MYO9B: variants seen among roughly 807,000 people sequenced by gnomAD.
MYO9B encodes unconventional myosin-IXb.
A neutral mutation model predicts 229.5 loss-of-function variants in MYO9B; 71 were observed. That is an observed-to-expected ratio of 0.31 (90% CI 0.26 to 0.38). The LOEUF (loss-of-function observed/expected upper bound fraction) is 0.38. Among genes scored for constraint, MYO9B ranks in the 10% least tolerant of loss-of-function variants. The pLI, the probability that MYO9B is intolerant of heterozygous loss-of-function variation, is 1.00. For missense variants in MYO9B, 2,255 were observed against 2,920.5 expected (o/e 0.77, Z 5.25); for synonymous variants, 1,185 against 1,235.8 (o/e 0.96, Z 0.86).
At chr19:17,109,403 T>C (rs1393771381) in intron 2 of MYO9B, among the ~76,000 whole-genome samples, 1 of 152,118 alleles carries the variant, frequency 6.6e-6, no homozygotes, top group African/African-American at 2.4e-5. Flanking sequence ...TCAGGCCCAC[T>C]GGGTATCAGG....
At chr19:17,161,553 C>A (rs139155221) in intron 8 of MYO9B, among the ~76,000 whole-genome samples, 2 of 152,062 alleles carry the variant, frequency 1.3e-5, no homozygotes, top group African/African-American at 4.8e-5. Context: ...CGGTGGCTCA[C>A]GCCTGTAATC....
intron 33 of MYO9B, 34 bp from the exon 34 acceptor site, chr19:17,206,645 G>T (rs1381618006): frequency 1.3e-6 from 2 of 1,532,498 alleles, no homozygotes; most frequent in African/African-American, 2.8e-5. Context: ...GGGGACCCTT[G>T]GGAGCTGACG....
chr19:17,192,017 T>C (rs982089481), intron 20 of MYO9B, among the ~76,000 whole-genome samples: 3 of 151,956 alleles, frequency 2.0e-5, no homozygotes, highest in South Asian at 4.1e-4. Context: ...AGACAGGTGG[T>C]GTGATCTCAG....
At chr19:17,184,800 G>A (rs2072899546) in intron 16 of MYO9B, 65 bp from the exon 17 acceptor site, 2 of 1,605,424 alleles carry the variant, frequency 1.2e-6, no homozygotes, top group South Asian at 1.1e-5. Context: ...GGGGACACCT[G>A]TGATGCCTCC....
chr19:17,169,360 A>C (rs2072695163), intron 11 of MYO9B, among the ~76,000 whole-genome samples: 1 of 135,206 alleles, frequency 7.4e-6, no homozygotes, highest in Admixed American at 7.8e-5. Context: ...TGACAGACCA[A>C]GACTCTGTCT....
chr19:17,100,397 C>CA (rs1568660740), intron 1 of MYO9B, among the ~76,000 whole-genome samples: 1 of 152,068 alleles, frequency 6.6e-6, no homozygotes, highest in East Asian at 1.9e-4. Context: ...TGCTTGAACC[C>CA]AGGCAGCAGA....
At chr19:17,089,841 ACAGTGTTGTGCCAACAC>A in intron 1 of MYO9B, among the ~76,000 whole-genome samples, 1 of 152,138 alleles carries the variant, frequency 6.6e-6, no homozygotes, top group Non-Finnish European at 1.5e-5. Context: ...CAGTGCATTC[ACAGTGTTGTGCCAACAC>A]CAGCTCTATC....
chr19:17,135,410 G>A (rs1358790012), intron 2 of MYO9B, among the ~76,000 whole-genome samples: 2 of 151,336 alleles, frequency 1.3e-5, no homozygotes, highest in Admixed American at 1.3e-4. Flanking sequence ...TGTTGACACC[G>A]GGGTCCCACT....
chr19:17,154,243 G>C, intron 5 of MYO9B, 72 bp from the exon 6 acceptor site: 1 of 1,483,904 alleles, frequency 6.7e-7, no homozygotes, highest in Non-Finnish European at 9.3e-7. Context: ...ACCAGCTCCA[G>C]CCAAAATCAC....
intron 2 of MYO9B, among the ~76,000 whole-genome samples, chr19:17,107,040 G>A (rs1445579828): frequency 8.0e-6 from 1 of 124,372 alleles, no homozygotes; most frequent in Non-Finnish European, 1.7e-5. Flanking sequence ...TCCAGCCTGG[G>A]CAACAAGAGC....
intron 2 of MYO9B, among the ~76,000 whole-genome samples, chr19:17,115,867 A>T (rs1040698302): frequency 1.3e-5 from 2 of 151,862 alleles, no homozygotes; most frequent in African/African-American, 4.8e-5. Flanking sequence ...CACCAGCTGG[A>T]ATCTCTGCAT....
chr19:17,149,314 A>T lies in MYO9B; in HGVS notation c.936-3330A>T, dbSNP rs147632220. ...AGATAAAGTCATATCCCCAGGTTCCAGGAGACATAACTTCCAGGGCCCACC... is the reference window on the plus strand; with the variant it reads ...AGATAAAGTCATATCCCCAGGTTCCTGGAGACATAACTTCCAGGGCCCACC... On this transcript the variant is annotated intron_variant, in intron 3 of 39. Coordinates refer to ENST00000682292, the MANE Select transcript of MYO9B (RefSeq NM_004145.4). 2.7e-3 allele frequency among the ~76,000 whole-genome samples: 414 copies of T among 152,138 alleles called. 3 individuals carry two copies. The highest frequency in any genetic ancestry group is 4.9e-3 in the Non-Finnish European group (333 of 67,988).
rs36000160 is a variant in MYO9B, at chr19:17,105,319, CAAAAAAAAA to C, written c.840+2780_840+2788del. ...CAACATAACAAGACCCTGTCTCTAC[CAAAAAAAAA>C]AAAAAAAAAAAAAAAAATTAGCCAG... is the stretch of plus-strand genomic sequence containing the variant. On this transcript the variant is annotated intron_variant, in intron 2 of 39. Coordinates refer to ENST00000682292, the MANE Select transcript of MYO9B (RefSeq NM_004145.4). Among the ~76,000 whole-genome samples, 19 of 71,656 alleles carry C rather than the reference CAAAAAAAAA, an allele frequency of 2.7e-4. No homozygotes were observed. In the East Asian group the frequency reaches 2.8e-3, roughly 11 times the overall value. 47.0% of individuals were successfully genotyped at this position (71,656 alleles called of 152,430 possible). A position where few individuals can be genotyped will look rare whatever the true frequency, so the allele number is the denominator to read the frequency against.
chr19:17,198,334 C>T (rs765494079), intron 24 of MYO9B, 26 bp downstream of exon 24: 19 of 1,611,174 alleles, frequency 1.2e-5, no homozygotes, highest in Non-Finnish European at 1.5e-5. Flanking sequence ...GGGGGAAACT[C>T]AGGCCACCAG....
chr19:17,118,032 G>A (rs2057923557), intron 2 of MYO9B, among the ~76,000 whole-genome samples: 1 of 151,934 alleles, frequency 6.6e-6, no homozygotes, highest in Non-Finnish European at 1.5e-5. Flanking sequence ...TCTGCCATCG[G>A]TTGATGTTTG....
chr19:17,133,835 A>G (rs1159309681), intron 2 of MYO9B, among the ~76,000 whole-genome samples: 1 of 151,936 alleles, frequency 6.6e-6, no homozygotes, highest in Non-Finnish European at 1.5e-5. Flanking sequence ...ATCTCGGCTC[A>G]CTGCAAGCTC....
Position 17,211,957 on chromosome 19 carries a change from G to GGCCCCCC in MYO9B, c.6121_6122insGCCCCCC (p.Ala2041GlyfsTer161). On this transcript the variant is annotated frameshift_variant, in exon 40 of 40. Transcript: ENST00000682292. LOFTEE classifies it low-confidence loss of function (END_TRUNC). Reference sequence around the variant, plus strand: ...CACCCCGAGCCCCCTCCCCACCGTGGCCGCCCCTCCACGACGAAGGCCGTC... The same window carrying GGCCCCCC: ...CACCCCGAGCCCCCTCCCCACCGTGGGCCCCCCCCGCCCCTCCACGACGAAGGCCGTC... The GGCCCCCC allele has an allele frequency of 6.4e-7, 1 of 1,552,810 alleles. No homozygotes were observed. The highest frequency in any genetic ancestry group is 8.7e-7 in the Non-Finnish European group (1 of 1,149,454).
intron 1 of MYO9B, among the ~76,000 whole-genome samples, chr19:17,090,500 G>A (rs1216664938): frequency 2.6e-5 from 4 of 152,164 alleles, no homozygotes; most frequent in East Asian, 1.9e-4. Context: ...AATGGGCCAC[G>A]TTGTGTTTTT....
Position 17,167,937 on chromosome 19 carries a change from C to G in MYO9B, c.1672-6C>G, listed in dbSNP as rs187017434. On this transcript the variant is annotated splice_polypyrimidine_tract_variant and splice_region_variant and intron_variant, in intron 10 of 39. Transcript: ENST00000682292. The stretch of plus-strand genomic sequence containing the variant: ...GAAACTTACCGACCCCGCGCCACCC[C>G]TGCAGGAGGAATATCAGGGCGAGGG... 1.9e-6 allele frequency: 3 copies of G among 1,562,614 alleles called. No homozygotes were observed. Among genetic ancestry groups the G allele is most frequent in the Admixed American group, 3.8e-5 (2 of 52,018 alleles).
Sources: allele counts gnomAD v4.1 joint callset (sites outside exome capture counted in the v4.1 genomes callset), GRCh38; gene constraint gnomAD v4.1.1; transcripts MANE v1.5; gene names NCBI Gene and HGNC (gene_info 2026-07-23, HGNC 2026-07-21).